ATP10B: variants seen among roughly 807,000 people sequenced by gnomAD.
The protein encoded by ATP10B is phospholipid-transporting ATPase VB.
In ATP10B, 122 loss-of-function variants were observed where a neutral mutation model predicts 141.2. The observed-to-expected ratio is 0.86, with a 90% CI of 0.75 to 1.00. The LOEUF (loss-of-function observed/expected upper bound fraction) is 1.00, where lower values mean the gene tolerates loss of function less well. Ranked by LOEUF, ATP10B falls within the 50% of genes least tolerant of loss-of-function variation. ATP10B has a pLI of 0.00. For missense variants in ATP10B, 1,876 were observed against 1,825.3 expected, an observed-to-expected ratio of 1.03 and a Z score of -0.51; for synonymous variants, 685 against 692.0, an observed-to-expected ratio of 0.99 and a Z score of 0.16.
intron 3 of ATP10B, among the ~76,000 whole-genome samples, chr5:160,698,762 C>G: frequency 6.6e-6 from 1 of 151,986 alleles, no homozygotes; most frequent in East Asian, 1.9e-4. Context: ...ACAGTAAGGA[C>G]CAGAAGTTGT....
chr5:160,905,496 T>G, the ATP10B span, among the ~76,000 whole-genome samples: 75 of 152,338 alleles, frequency 4.9e-4, no homozygotes, highest in African/African-American at 1.7e-3. Flanking sequence ...AGCCTAGTGC[T>G]TGAGACAGCT....
the ATP10B span, among the ~76,000 whole-genome samples, chr5:160,916,214 C>G: frequency 6.6e-6 from 1 of 152,322 alleles, no homozygotes; most frequent in Non-Finnish European, 1.5e-5. Context: ...TGTGACCGCC[C>G]TTATCATGTC....
At chr5:160,883,213 G>A in the ATP10B span, among the ~76,000 whole-genome samples, 5 of 152,118 alleles carry the variant, frequency 3.3e-5, no homozygotes, top group African/African-American at 1.2e-4. Flanking sequence ...AAAGGCAACA[G>A]AGAAACATTT....
At chr5:160,692,021 T>C (rs986082734) in intron 3 of ATP10B, among the ~76,000 whole-genome samples, 2 of 152,210 alleles carry the variant, frequency 1.3e-5, no homozygotes, top group African/African-American at 4.8e-5. Flanking sequence ...AAATGAGAAA[T>C]CTTGCCTTGG....
the ATP10B span, among the ~76,000 whole-genome samples, chr5:160,898,846 G>A: frequency 6.6e-6 from 1 of 152,106 alleles, no homozygotes; most frequent in African/African-American, 2.4e-5. Flanking sequence ...TGCTTTGCAG[G>A]GACATGGATG....
At chr5:160,676,940 G>A (rs891427565) in intron 6 of ATP10B, among the ~76,000 whole-genome samples, 1 of 152,152 alleles carries the variant, frequency 6.6e-6, no homozygotes, top group African/African-American at 2.4e-5. Flanking sequence ...GATGAGTGAT[G>A]GTGGTGGGAG....
chr5:160,600,773 T>G (rs2127624058), intron 21 of ATP10B, among the ~76,000 whole-genome samples: 1 of 152,342 alleles, frequency 6.6e-6, no homozygotes, highest in South Asian at 2.1e-4. Context: ...CTCAAGAAGC[T>G]ACAGTGCGGT....
the ATP10B span, among the ~76,000 whole-genome samples, chr5:160,896,189 C>A: frequency 2.6e-5 from 4 of 151,264 alleles, no homozygotes; most frequent in African/African-American, 7.3e-5. Context: ...CAAGAAATAA[C>A]TAAGAACAGA....
At chr5:160,709,686 G>A (rs1436659221) in intron 3 of ATP10B, among the ~76,000 whole-genome samples, 2 of 133,360 alleles carry the variant, frequency 1.5e-5, no homozygotes, top group African/African-American at 2.9e-5. Context: ...GTATACATGT[G>A]CCATGCTGGT....
At chr5:160,879,410 T>G in the ATP10B span, among the ~76,000 whole-genome samples, 4 of 110,688 alleles carry the variant, frequency 3.6e-5, no homozygotes, top group African/African-American at 7.2e-5. Flanking sequence ...GGGGGAGGGA[T>G]AGCATTGGGA....
At chr5:160,596,496 CCT>C (rs1196340577) in intron 22 of ATP10B, among the ~76,000 whole-genome samples, 1 of 135,866 alleles carries the variant, frequency 7.4e-6, no homozygotes, top group African/African-American at 2.8e-5. Context: ...ACAGGGATGC[CCT>C]CTCTCACCAC....
chr5:160,805,760 C>T (rs958668499), intron 1 of ATP10B, among the ~76,000 whole-genome samples: 7 of 152,104 alleles, frequency 4.6e-5, no homozygotes, highest in South Asian at 2.1e-4. Context: ...TGTGAGCAGC[C>T]GGCTCCAGAT....
chr5:160,719,722 T>C (rs920253550), intron 2 of ATP10B, among the ~76,000 whole-genome samples: 1 of 152,226 alleles, frequency 6.6e-6, no homozygotes, highest in African/African-American at 2.4e-5. Flanking sequence ...TGGCCATTAT[T>C]TCGTCCATTC....
At position 160,632,340 on chromosome 5, in the gene ATP10B, A is replaced by G; in HGVS notation, c.1409T>C (p.Leu470Pro). 6.2e-7 allele frequency: 1 copy of G among 1,614,232 alleles called. No homozygotes were observed. Among genetic ancestry groups the G allele is most frequent in the Non-Finnish European group, 8.5e-7 (1 of 1,180,020 alleles). The stretch of plus-strand genomic sequence containing the variant: ...GGTCCACTCTTCACCATCTGAGTCC[A>G]GCTCCTTTGGGGTCTCCAGTCGCTT... ...NAKRLETPKE[L>P]DSDGEEWTQY... Residue 470 changes from leucine to proline, a missense_variant, in exon 13 of 26, where the codon CTG (leucine) becomes CCG (proline). Physicochemically the swap from Leu to Pro is moderately conservative, Grantham distance 98 (BLOSUM62 -3). Transcript: ENST00000327245.
chr5:160,622,829 T>A (rs757818775), intron 13 of ATP10B, among the ~76,000 whole-genome samples: 2 of 152,212 alleles, frequency 1.3e-5, no homozygotes, highest in Admixed American at 1.3e-4. Context: ...CCACCATTTG[T>A]GTTGCTTCCA....
chr5:160,797,982 G>T (rs1300999495), intron 1 of ATP10B, among the ~76,000 whole-genome samples: 3 of 151,638 alleles, frequency 2.0e-5, no homozygotes, highest in Non-Finnish European at 2.9e-5. Context: ...AAACAAGTGT[G>T]GAAATGGAGA....
chr5:160,834,049 G>A (rs1251118346), intron 1 of ATP10B, among the ~76,000 whole-genome samples: 1 of 152,082 alleles, frequency 6.6e-6, no homozygotes. Context: ...AAAAGGCTGT[G>A]CATGGTGGCT....
Position 160,620,295 on chromosome 5 carries a change from T to C in ATP10B, c.2416+52A>G, listed in dbSNP as rs1006375100. On this transcript the variant is annotated intron_variant, in intron 15 of 25. Coordinates refer to ENST00000327245, the MANE Select transcript of ATP10B (RefSeq NM_025153.3). ...CTTCTTATTACCATTCCACACTGCT[T>C]CTTAAACTATAGAACTCTCTGTGCC... The C allele has an allele frequency of 5.8e-6, 9 of 1,541,508 alleles. No homozygotes were observed. In the African/African-American group the frequency reaches 1.1e-4, roughly 19 times the overall value.
chr5:160,802,634 T>C (rs1356344685), intron 1 of ATP10B, among the ~76,000 whole-genome samples: 2 of 152,228 alleles, frequency 1.3e-5, no homozygotes, highest in Non-Finnish European at 2.9e-5. Flanking sequence ...CACTGCTAAG[T>C]TCACATGGAG....
Sources: allele counts gnomAD v4.1 joint callset (sites outside exome capture counted in the v4.1 genomes callset), GRCh38; gene constraint gnomAD v4.1.1; transcripts MANE v1.5; gene names NCBI Gene and HGNC (gene_info 2026-07-23, HGNC 2026-07-21).